ATRN: variants seen among roughly 807,000 people sequenced by gnomAD.
The protein encoded by ATRN is attractin.
A neutral mutation model predicts 178.7 loss-of-function variants in ATRN; 54 were observed. The ratio of observed to expected loss-of-function variants is 0.30; its 90% CI spans 0.24 to 0.38. ATRN has a LOEUF of 0.38. ATRN is among the 10% of genes least tolerant of loss of function. The pLI, the probability that ATRN is intolerant of heterozygous loss-of-function variation, is 1.00. For missense variants in ATRN, 1,443 were observed against 1,815.1 expected, an observed-to-expected ratio of 0.79 and a Z score of 3.73; for synonymous variants, 636 against 663.0, an observed-to-expected ratio of 0.96 and a Z score of 0.63.
Position 3,589,123 on chromosome 20 carries a change from C to T in ATRN, c.3185-2046C>T, listed in dbSNP as rs532703517. Among the ~76,000 whole-genome samples, 56 of 151,802 alleles carry T rather than the reference C, an allele frequency of 3.7e-4. 1 individual carries two copies. The highest frequency in any genetic ancestry group is 3.4e-3 in the Middle Eastern group (1 of 292). On this transcript the variant is annotated intron_variant, in intron 18 of 28. Transcript: ENST00000262919. ...TCAGCCCCCCAAGTAGCTGGGACTA[C>T]AGGCGCACGCCACCACTCCTAGCTA...
At chr20:3,551,656 C>G (rs1299374089) in intron 6 of ATRN, among the ~76,000 whole-genome samples, 1 of 151,992 alleles carries the variant, frequency 6.6e-6, no homozygotes, top group Non-Finnish European at 1.5e-5. Flanking sequence ...TTTCTCTCTC[C>G]CTCTCCTGTT....
intron 3 of ATRN, 152 bp from the exon 4 acceptor site, chr20:3,545,610 G>A: frequency 1.2e-6 from 1 of 852,638 alleles, no homozygotes; most frequent in Non-Finnish European, 1.8e-6. Flanking sequence ...GAACTGATAG[G>A]GTAGCACTGT....
rs759749245 is a variant in ATRN at position 3,540,224 on chromosome 20, C to A, written c.497C>A (p.Pro166Gln). ...TKCTWLIEGQ[P>Q]NRIMRLRFNH... is the part of the protein sequence containing the mutation. Reference sequence around the variant, plus strand: ...ATTACTTTTTTTATTCTTTTCAGGCCAAATAGAATAATGAGACTTCGTTTC... The same window carrying A: ...ATTACTTTTTTTATTCTTTTCAGGCAAAATAGAATAATGAGACTTCGTTTC... Residue 166 changes from proline (P) to glutamine (Q), a missense_variant and splice_region_variant, in exon 3 of 29, where the codon CCA becomes CAA. By Grantham distance (76) the Pro-to-Gln change is moderately conservative (BLOSUM62 -1). Around this residue, in one of 4 missense-constraint regions of ATRN, gnomAD observed 862 missense variants for 972.1 expected, o/e 0.89. Coordinates refer to ENST00000262919, the MANE Select transcript of ATRN (RefSeq NM_139321.3). 1 of 1,557,480 alleles carries A rather than the reference C, an allele frequency of 6.4e-7. No individual in the cohort carries two copies.
intron 12 of ATRN, among the ~76,000 whole-genome samples, chr20:3,573,737 T>A (rs2086161990): frequency 6.9e-6 from 1 of 144,640 alleles, no homozygotes; most frequent in African/African-American, 2.6e-5. Context: ...ATATTAAAAA[T>A]TTATTTTTTG....
At chr20:3,517,717 G>A (rs2146141192) in intron 1 of ATRN, among the ~76,000 whole-genome samples, 1 of 151,504 alleles carries the variant, frequency 6.6e-6, no homozygotes, top group East Asian at 1.9e-4. Flanking sequence ...GTTGCAGTCA[G>A]CCAACACGGT....
In ATRN at chr20:3,591,181, A is replaced by G. The variant is rs2086436731; in HGVS notation, c.3197A>G (p.Asn1066Ser). 1.2e-6 allele frequency: 2 copies of G among 1,613,984 alleles called. No individual in the cohort carries two copies. The highest frequency in any genetic ancestry group is 1.7e-6 in the Non-Finnish European group (2 of 1,179,898). Reference protein sequence around the residue: ...SFIHCPACQCNGHSKCINQSI... With the variant: ...SFIHCPACQCSGHSKCINQSI... The stretch of plus-strand genomic sequence containing the variant: ...CTTTTTCTTGCAGCTTGCCAATGCA[A>G]CGGCCACAGTAAATGCATCAATCAG... Residue 1066 changes from asparagine to serine, a missense_variant, in exon 19 of 29, where the codon AAC becomes AGC. Around this residue, in one of 4 missense-constraint regions of ATRN, gnomAD observed 80 missense variants for 71.5 expected, o/e 1.12. Transcript: ENST00000262919.
intron 20 of ATRN, 65 bp downstream of exon 20, chr20:3,594,637 C>A (rs778194199): frequency 6.7e-5 from 89 of 1,331,644 alleles, no homozygotes; most frequent in Admixed American, 1.0e-4. Flanking sequence ...CTGAACCCCA[C>A]CCTGAGAGCC....
chr20:3,570,562 A>T (rs1600116349), intron 11 of ATRN, among the ~76,000 whole-genome samples: 1 of 151,812 alleles, frequency 6.6e-6, no homozygotes, highest in East Asian at 1.9e-4. Context: ...GAACTCATGG[A>T]TTTAAAAATA....
At chr20:3,479,379 T>TAATAAAAATA (rs2084584876) in intron 1 of ATRN, among the ~76,000 whole-genome samples, 1 of 152,156 alleles carries the variant, frequency 6.6e-6, no homozygotes, top group Non-Finnish European at 1.5e-5. Flanking sequence ...TAGAATTTCA[T>TAATAAAAATA]AATAAAAATA....
intron 1 of ATRN, among the ~76,000 whole-genome samples, chr20:3,524,270 A>G (rs1055818752): frequency 6.6e-6 from 1 of 151,824 alleles, no homozygotes; most frequent in Non-Finnish European, 1.5e-5. Context: ...CAATCCTAGT[A>G]TCTGATAAAA....
intron 19 of ATRN, among the ~76,000 whole-genome samples, chr20:3,593,774 T>A (rs2086485744): frequency 6.6e-6 from 1 of 152,244 alleles, no homozygotes; most frequent in South Asian, 2.1e-4. Context: ...CAAAACAGGG[T>A]ATAAAGTGAA....
chr20:3,646,290 G>A (rs235560), intron 28 of ATRN, among the ~76,000 whole-genome samples: 22,236 of 152,148 alleles, frequency 0.15, 1,771 homozygotes, highest in Non-Finnish European at 0.18. Flanking sequence ...GCGTGCTGCT[G>A]TTTCTCGGCT....
intron 15 of ATRN, among the ~76,000 whole-genome samples, chr20:3,579,132 TGAGTTCCTTG>T (rs2086248875): frequency 6.6e-6 from 1 of 152,154 alleles, no homozygotes; most frequent in African/African-American, 2.4e-5. Context: ...TTAAGCCACC[TGAGTTCCTTG>T]GAGTTAAGGT....
chr20:3,508,453 A>G (rs238690), intron 1 of ATRN, among the ~76,000 whole-genome samples: 40,653 of 152,162 alleles, frequency 0.27, 5,990 homozygotes, highest in African/African-American at 0.33. Context: ...ATAAACAATC[A>G]TAAGCGAATG....
intron 11 of ATRN, among the ~76,000 whole-genome samples, chr20:3,566,820 T>C (rs2086041987): frequency 7.1e-6 from 1 of 141,304 alleles, no homozygotes; most frequent in South Asian, 2.2e-4. Context: ...GGCAGGAGAA[T>C]CACTTGAACC....
intron 1 of ATRN, among the ~76,000 whole-genome samples, chr20:3,522,528 A>G (rs886943211): frequency 4.6e-5 from 7 of 152,188 alleles, no homozygotes; most frequent in Non-Finnish European, 8.8e-5. Flanking sequence ...GGCTCTGAAG[A>G]GAGCAGCAGA....
intron 1 of ATRN, among the ~76,000 whole-genome samples, chr20:3,473,088 A>T (rs1052567552): frequency 1.3e-5 from 2 of 152,250 alleles, no homozygotes; most frequent in African/African-American, 4.8e-5. Flanking sequence ...TATGAATTCC[A>T]TTAACCTACA....
intron 1 of ATRN, among the ~76,000 whole-genome samples, chr20:3,534,910 C>G (rs1170126149): frequency 1.3e-5 from 2 of 151,838 alleles, no homozygotes; most frequent in African/African-American, 4.8e-5. Context: ...AATTTGAGAC[C>G]AGCGTGGGCA....
At chr20:3,550,757 A>G (rs2085775748) in intron 6 of ATRN, among the ~76,000 whole-genome samples, 1 of 152,180 alleles carries the variant, frequency 6.6e-6, no homozygotes, top group African/African-American at 2.4e-5. Context: ...AGGAGATTGG[A>G]TCTCTACAGA....
Sources: gnomAD v4.1 joint callset for allele counts (sites outside exome capture counted in the v4.1 genomes callset) on GRCh38, gnomAD v4.1.1 for gene constraint, gnomAD v4.1.1 regional missense constraint, MANE v1.5 for transcripts, NCBI Gene and HGNC (gene_info 2026-07-23, HGNC 2026-07-21) for gene names.